Variants in ARHGAP32 observed in about 807,000 individuals in gnomAD.
The protein encoded by ARHGAP32 is rho GTPase-activating protein 32.
ARHGAP32 carries 51 observed loss-of-function variants against 186.5 expected under a neutral mutation model. The ratio of observed to expected loss-of-function variants is 0.27; its 90% CI spans 0.22 to 0.35. ARHGAP32 has a LOEUF of 0.35. Among genes scored for constraint, ARHGAP32 ranks in the 10% least tolerant of loss-of-function variants. ARHGAP32 has a pLI of 1.00. For synonymous variants in ARHGAP32, 950 were observed against 964.3 expected (o/e 0.99, Z 0.27); for missense variants, 2,186 against 2,623.5 (o/e 0.83, Z 3.64).
At chr11:129,125,998 C>T (rs982944397) in intron 2 of ARHGAP32, 1 of 436,346 alleles carries the variant, frequency 2.3e-6, no homozygotes, top group Non-Finnish European at 4.5e-6. Flanking sequence ...TATGAGGTAA[C>T]ATCTTGTCTT....
intron 11 of ARHGAP32, among the ~76,000 whole-genome samples, chr11:129,036,185 C>G (rs1939327040): frequency 6.6e-6 from 1 of 151,886 alleles, no homozygotes; most frequent in African/African-American, 2.4e-5. Flanking sequence ...TTGAGACCAG[C>G]CTGACCAACA....
intron 6 of ARHGAP32, among the ~76,000 whole-genome samples, chr11:129,091,410 C>A (rs149273725): frequency 6.6e-6 from 1 of 152,070 alleles, no homozygotes; most frequent in African/African-American, 2.4e-5. Context: ...AGGGCAGGCA[C>A]AGACACATTT....
chr11:129,279,305 C>A (rs1945580452), exon 1 of ARHGAP32: 1 of 144,790 alleles, frequency 6.9e-6, no homozygotes, highest in South Asian at 1.9e-4. Flanking sequence ...CCGAGGGCAG[C>A]CGCGGGGGCT....
intron 10 of ARHGAP32, among the ~76,000 whole-genome samples, chr11:129,055,098 A>G (rs1429797465): frequency 1.3e-5 from 2 of 152,234 alleles, no homozygotes; most frequent in African/African-American, 4.8e-5. Flanking sequence ...TGATATTTAA[A>G]CATAGCCTCC....
At chr11:129,130,733 T>C (rs763231387) in intron 2 of ARHGAP32, among the ~76,000 whole-genome samples, 90 of 152,168 alleles carry the variant, frequency 5.9e-4, no homozygotes, top group Non-Finnish European at 1.0e-3. Context: ...CAAAGATGCA[T>C]TGGTGGTTAG....
Position 128,971,069 on chromosome 11 carries a change from C to A in ARHGAP32, c.4144G>T (p.Ala1382Ser). Residue 1382 changes from alanine (A) to serine (S), a missense_variant, in exon 23 of 23, where the codon GCT (alanine) becomes TCT (serine). Coordinates refer to ENST00000682385, the MANE Select transcript of ARHGAP32 (RefSeq NM_001378024.1). ...ASAFISDSGAAAAQCPMATAV... is the reference protein window; with the variant it reads ...ASAFISDSGASAAQCPMATAV... ...GTAGCCATGGGACACTGAGCAGCAG[C>A]AGCACCACTGTCACTGATGAAGGCA... The A allele has an allele frequency of 1.2e-6, 2 of 1,614,212 alleles. No homozygotes were observed. Among genetic ancestry groups the A allele is most frequent in the East Asian group, 2.2e-5 (1 of 44,890 alleles).
chr11:129,048,519 T>C (rs907713991), intron 10 of ARHGAP32, among the ~76,000 whole-genome samples: 2 of 151,716 alleles, frequency 1.3e-5, no homozygotes, highest in African/African-American at 2.4e-5. Context: ...CCACTAGTGA[T>C]AAAAGAGAAG....
intron 21 of ARHGAP32, 116 bp downstream of exon 21, chr11:128,974,008 T>C (rs1945470584): frequency 2.3e-6 from 3 of 1,282,212 alleles, no homozygotes; most frequent in South Asian, 1.4e-5. Flanking sequence ...CAGAAAAGCA[T>C]TCTCTTTGAT....
At position 128,981,418 on chromosome 11, in the gene ARHGAP32, G is replaced by A; in HGVS notation, c.1778C>T (p.Ala593Val). 1 of 1,599,664 alleles carries A rather than the reference G, an allele frequency of 6.3e-7. No individual in the cohort carries two copies. Among genetic ancestry groups the A allele is most frequent in the Non-Finnish European group, 8.5e-7 (1 of 1,170,440 alleles). Residue 593 changes from alanine (A) to valine (V), a missense_variant and splice_region_variant, in exon 17 of 23, where the codon GCA becomes GTA. Transcript: ENST00000682385. ...GRISMAMQEGAASLSRPKSLL... is the reference protein window; with the variant it reads ...GRISMAMQEGVASLSRPKSLL... Reference sequence around the variant, plus strand: ...AGGAAGGGCCATCGGAGCCGTACCTGCCCCCTCTTGCATGGCCATGCTGAT... The same window carrying A: ...AGGAAGGGCCATCGGAGCCGTACCTACCCCCTCTTGCATGGCCATGCTGAT...
intron 2 of ARHGAP32, among the ~76,000 whole-genome samples, chr11:129,160,337 G>GT (rs1245067910): frequency 6.6e-6 from 1 of 152,106 alleles, no homozygotes; most frequent in Non-Finnish European, 1.5e-5. Flanking sequence ...TGACGTGATT[G>GT]TATATTTAAA....
chr11:129,201,304 T>C (rs929126168), intron 1 of ARHGAP32, among the ~76,000 whole-genome samples: 1 of 152,224 alleles, frequency 6.6e-6, no homozygotes, highest in East Asian at 1.9e-4. Context: ...TTGAAAAGTA[T>C]GTAATGTTTA....
Position 128,980,714 on chromosome 11 carries a change from G to A in ARHGAP32, c.1815C>T (p.Ser605=), listed in dbSNP as rs113749911. 50 of 1,613,566 alleles carry A rather than the reference G, an allele frequency of 3.1e-5. 1 individual carries two copies. The African/African-American group carries it at 4.8e-4, about 15-fold the overall frequency. ...ATGTCAGCAGTTTGGTGGATGGAGAGGATACCAGGAGGGACTTGGGCCTTG... is the reference window on the plus strand; with the variant it reads ...ATGTCAGCAGTTTGGTGGATGGAGAAGATACCAGGAGGGACTTGGGCCTTG... ...SLSRPKSLLV[S]SPSTKLLTLE... The change falls in exon 18 of 23, where the codon TCC becomes TCT. Residue 605 remains serine (S), a synonymous_variant. Coordinates refer to ENST00000682385, the MANE Select transcript of ARHGAP32 (RefSeq NM_001378024.1).
chr11:129,178,958 T>C lies in ARHGAP32; in HGVS notation c.116+13125A>G, dbSNP rs575748113. Among the ~76,000 whole-genome samples the C allele has an allele frequency of 2.5e-4, 38 of 151,978 alleles. No homozygotes were observed. The East Asian group carries it at 7.3e-3, about 29-fold the overall frequency. On this transcript the variant is annotated intron_variant, in intron 1 of 22. Transcript: ENST00000682385. The stretch of plus-strand genomic sequence containing the variant: ...ATTGACAAATGGGATCTAATTAAAC[T>C]AAAGAGCTTCTGCACAGCAAAAGAA...
rs1945208896 is a variant in ARHGAP32 at position 128,965,745 on chromosome 11, T to G, written c.*3162A>C. On this transcript the variant is annotated 3_prime_UTR_variant, in exon 23 of 23. Coordinates refer to ENST00000682385, the MANE Select transcript of ARHGAP32 (RefSeq NM_001378024.1). ...TTTGCCAACATCCTAAATGGGTGACTGACAGGGCTGAAAACAGAGAAATGG... is the reference window on the plus strand; with the variant it reads ...TTTGCCAACATCCTAAATGGGTGACGGACAGGGCTGAAAACAGAGAAATGG... 6.6e-6 allele frequency: 1 copy of G among 152,232 alleles called. No individual in the cohort carries two copies. Among genetic ancestry groups the G allele is most frequent in the African/African-American group, 2.4e-5 (1 of 41,466 alleles). 9.4% of individuals were successfully genotyped at this position (152,232 alleles called of 1,614,324 possible).
At chr11:129,240,438 C>T (rs1944999849) in intron 1 of ARHGAP32, among the ~76,000 whole-genome samples, 1 of 152,188 alleles carries the variant, frequency 6.6e-6, no homozygotes, top group Admixed American at 6.5e-5. Context: ...TGCTACCCAG[C>T]CTTCAGTAGG....
intron 1 of ARHGAP32, among the ~76,000 whole-genome samples, chr11:129,274,268 A>G (rs565435232): frequency 6.6e-6 from 1 of 152,320 alleles, no homozygotes; most frequent in Non-Finnish European, 1.5e-5. Context: ...TCATCTCTCC[A>G]GATAGGAAAC....
At chr11:129,033,552 A>G (rs1939341) in intron 11 of ARHGAP32, among the ~76,000 whole-genome samples, 35,351 of 152,088 alleles carry the variant, frequency 0.23, 4,280 homozygotes, top group African/African-American at 0.28. Context: ...CCCACACTGT[A>G]ATCTGCCCTT....
intron 10 of ARHGAP32, among the ~76,000 whole-genome samples, chr11:129,058,226 C>CTT (rs1940339149): frequency 1.5e-5 from 2 of 133,154 alleles, no homozygotes; most frequent in African/African-American, 5.3e-5. Context: ...CACACACTCT[C>CTT]TCTCTCTCTC....
chr11:129,233,328 T>C (rs1944884047), intron 1 of ARHGAP32, among the ~76,000 whole-genome samples: 1 of 152,138 alleles, frequency 6.6e-6, no homozygotes, highest in African/African-American at 2.4e-5. Context: ...TAGGAGTTTA[T>C]TATATTCTAC....
Sources: allele counts gnomAD v4.1 joint callset (sites outside exome capture counted in the v4.1 genomes callset), GRCh38; gene constraint gnomAD v4.1.1; transcripts MANE v1.5; gene names NCBI Gene and HGNC (gene_info 2026-07-23, HGNC 2026-07-21).